The following TAF1D variants were observed in gnomAD, a reference collection of about 807,000 sequenced individuals.
TAF1D encodes the protein TATA-box binding protein associated factor, RNA polymerase I subunit D.
In TAF1D, 23 loss-of-function variants were observed where a neutral mutation model predicts 26.2. The ratio of observed to expected loss-of-function variants is 0.88; its 90% CI spans 0.63 to 1.25. TAF1D has a LOEUF of 1.25. Ranked by LOEUF, TAF1D falls within the 50% of genes most tolerant of loss-of-function variation. The pLI is 0.00. For synonymous variants in TAF1D, 100 were observed against 105.6 expected (o/e 0.95, Z 0.33); for missense variants, 299 against 322.0 (o/e 0.93, Z 0.55).
At chr11:93,736,510 T>C (rs944903374) in intron 5 of TAF1D, 184 bp downstream of exon 5, 97 of 1,425,276 alleles carry the variant, frequency 6.8e-5, no homozygotes, top group Non-Finnish European at 8.8e-5. Flanking sequence ...AAAATAGTAC[T>C]GAAAACCCCA....
chr11:93,738,010 GTC>G (rs1207873794), intron 3 of TAF1D, 97 bp downstream of exon 3: 27 of 1,385,772 alleles, frequency 1.9e-5, no homozygotes, highest in Non-Finnish European at 2.4e-5. Flanking sequence ...ATTGCAGACA[GTC>G]TGTTCCCAGT....
chr11:93,734,748 G>A (rs930873612), downstream of TAF1D: 11 of 1,284,832 alleles, frequency 8.6e-6, no homozygotes, highest in Admixed American at 2.6e-4. Context: ...CATATCCCAT[G>A]CTGTTTATCT....
chr11:93,731,818 A>G (rs1938991612), downstream of TAF1D: 1 of 355,238 alleles, frequency 2.8e-6, no homozygotes, highest in Non-Finnish European at 5.5e-6. Flanking sequence ...TGAATTGTAC[A>G]AAGTACAGTT....
At chr11:93,740,222 T>C (rs750972822) in intron 1 of TAF1D, among the ~76,000 whole-genome samples, 1 of 151,308 alleles carries the variant, frequency 6.6e-6, no homozygotes, top group Non-Finnish European at 1.5e-5. Flanking sequence ...TACCTGAGCC[T>C]GGGAGGTGGA....
At chr11:93,737,978 G>T in intron 3 of TAF1D, 131 bp downstream of exon 3, 1 of 991,760 alleles carries the variant, frequency 1.0e-6, no homozygotes, top group Non-Finnish European at 1.4e-6. Flanking sequence ...TTAGGGGTAA[G>T]TCAGTATAGA....
At chr11:93,733,255 G>C, downstream of TAF1D, 1 of 519,076 alleles carries the variant, frequency 1.9e-6, no homozygotes, top group South Asian at 1.4e-5. Flanking sequence ...TTTAGTTCAT[G>C]CCCGTTATCA....
chr11:93,734,944 G>C (rs1940378743), downstream of TAF1D: 2 of 974,606 alleles, frequency 2.1e-6, no homozygotes, highest in African/African-American at 3.4e-5. Context: ...TTAAATTTTT[G>C]TGGAGATGTG....
At position 93,738,133 on chromosome 11, in the gene TAF1D, A is replaced by T; in HGVS notation, c.435T>A (p.Pro145=). The change falls in exon 3 of 6, where the codon CCT becomes CCA. Residue 145 remains proline (P), a synonymous_variant. Transcript: ENST00000448108. ...FLESENEKNA[P]WRKILTFEQA... ...CCTCAAACGTTAAAATTTTTCTCCAAGGTGCGTTTTTTTCATTCTCTGATT... is the reference window on the plus strand; with the variant it reads ...CCTCAAACGTTAAAATTTTTCTCCATGGTGCGTTTTTTTCATTCTCTGATT... The T allele has an allele frequency of 6.4e-7, 1 of 1,562,334 alleles. No homozygotes were observed. Among genetic ancestry groups the T allele is most frequent in the Non-Finnish European group, 8.6e-7 (1 of 1,163,488 alleles).
Position 93,738,418 on chromosome 11 carries a change from T to C in TAF1D, c.150A>G (p.Arg50=), listed in dbSNP as rs79121588. The C allele has an allele frequency of 6.2e-7, 1 of 1,612,996 alleles. No homozygotes were observed. Among genetic ancestry groups the C allele is most frequent in the African/African-American group, 1.3e-5 (1 of 74,972 alleles). Reference sequence around the variant, plus strand: ...CACTTTCAGGTGTACGAACAAATTTTCGAATGGGGTTTCTTTTCTCCCCTT... The same window carrying C: ...CACTTTCAGGTGTACGAACAAATTTCCGAATGGGGTTTCTTTTCTCCCCTT... ...SPKGEKRNPI[R]KFVRTPESVH... Residue 50 remains arginine, a synonymous_variant, in exon 3 of 6, where the codon CGA becomes CGG. Transcript: ENST00000448108.
At chr11:93,735,263 T>A (rs377674268), downstream of TAF1D, 39 of 1,327,830 alleles carry the variant, frequency 2.9e-5, no homozygotes, top group Non-Finnish European at 3.7e-5. Context: ...CATAGCAGAG[T>A]AGTCAGCTCT....
At chr11:93,733,349 C>G (rs745624781), downstream of TAF1D, 55 of 518,862 alleles carry the variant, frequency 1.1e-4, no homozygotes, top group South Asian at 7.0e-4. Context: ...TTAAAACTTA[C>G]CTAAGCGATC....
At chr11:93,738,086 A>C in intron 3 of TAF1D, 23 bp downstream of exon 3, 1 of 1,530,044 alleles carries the variant, frequency 6.5e-7, no homozygotes, top group Non-Finnish European at 8.7e-7. Flanking sequence ...ATGTGTAGCC[A>C]TGTATGTAAA....
downstream of TAF1D, chr11:93,735,341 A>G: frequency 8.7e-7 from 1 of 1,152,556 alleles, no homozygotes; most frequent in Admixed American, 3.4e-5. Flanking sequence ...ATGTTGAATA[A>G]ATGTGTATGC....
intron 3 of TAF1D, among the ~76,000 whole-genome samples, chr11:93,737,810 A>G (rs1340561867): frequency 1.3e-5 from 2 of 152,188 alleles, no homozygotes; most frequent in Non-Finnish European, 2.9e-5. Context: ...AGCTTTTATT[A>G]TCCCCACTGA....
At chr11:93,732,524 T>C (rs1211653202), downstream of TAF1D, 1 of 469,618 alleles carries the variant, frequency 2.1e-6, no homozygotes, top group South Asian at 1.5e-5. Context: ...GTACAACTCG[T>C]ATTCCCAAAT....
In TAF1D at chr11:93,736,247, C is replaced by T. The variant is rs150716924; in HGVS notation, c.751G>A (p.Glu251Lys). The change falls in exon 6 of 6, where the codon GAA becomes AAA. Residue 251 changes from glutamate to lysine, a missense_variant. Physicochemically the swap from Glu to Lys is moderately conservative, Grantham distance 56 (BLOSUM62 1). Transcript: ENST00000448108. ...GCAGCTTCTTCAGTAATATCCTCTTCTTCTAAGTATACACTCAGTCTTACA... is the reference window on the plus strand; with the variant it reads ...GCAGCTTCTTCAGTAATATCCTCTTTTTCTAAGTATACACTCAGTCTTACA... ...FPVRLSVYLE[E>K]EDITEEAALS... The T allele has an allele frequency of 1.9e-6, 3 of 1,613,330 alleles. No individual in the cohort carries two copies. The highest frequency in any genetic ancestry group is 4.5e-5 in the East Asian group (2 of 44,758).
chr11:93,736,093 ATTTATC>A lies in TAF1D; in HGVS notation c.*62_*67del, dbSNP rs1195712011. The A allele has an allele frequency of 1.3e-5, 21 of 1,601,450 alleles. No individual in the cohort carries two copies. The highest frequency in any genetic ancestry group is 1.8e-5 in the Non-Finnish European group (21 of 1,176,762). Reference sequence around the variant, plus strand: ...CCACCAGACTGGTACATATATCCACATTTATCTTTATTCATTTCTATGAAGTCGTTT... The same window carrying A: ...CCACCAGACTGGTACATATATCCACATTTATTCATTTCTATGAAGTCGTTT... On this transcript the variant is annotated 3_prime_UTR_variant, in exon 6 of 6. Transcript: ENST00000448108.
downstream of TAF1D, chr11:93,734,648 T>A: frequency 9.6e-7 from 1 of 1,042,074 alleles, no homozygotes; most frequent in South Asian, 1.3e-5. Flanking sequence ...CACCATGTTC[T>A]CAAGATAAAA....
downstream of TAF1D, chr11:93,731,036 ATTTT>A (rs779912559): frequency 1.4e-4 from 73 of 518,988 alleles, no homozygotes; most frequent in Admixed American, 1.4e-3. Flanking sequence ...CTACTGGGAA[ATTTT>A]TTTATGGTCA....
Sources: allele counts gnomAD v4.1 joint callset (sites outside exome capture counted in the v4.1 genomes callset), GRCh38; gene constraint gnomAD v4.1.1; transcripts MANE v1.5; gene names NCBI Gene and HGNC (gene_info 2026-07-23, HGNC 2026-07-21).